The following KCNMB2 variants were observed in gnomAD, a reference collection of about 807,000 sequenced individuals.
The protein encoded by KCNMB2 is calcium-activated potassium channel subunit beta-2.
In KCNMB2, 9 loss-of-function variants were observed where a neutral mutation model predicts 24.5. The ratio of observed to expected loss-of-function variants is 0.37; its 90% confidence interval spans 0.22 to 0.64. KCNMB2 has a LOEUF of 0.64. KCNMB2 is among the 30% of genes least tolerant of loss of function. KCNMB2 has a pLI of 0.63. For missense variants in KCNMB2, 226 were observed against 284.3 expected (o/e 0.79, Z 1.47); for synonymous variants, 109 against 104.4 (o/e 1.04, Z -0.27).
intron 1 of KCNMB2, among the ~76,000 whole-genome samples, chr3:178,550,457 C>CAAAAAAAA (rs71671909): frequency 2.2e-5 from 1 of 46,018 alleles, no homozygotes; most frequent in African/African-American, 8.0e-5. Flanking sequence ...GACTCCGTCT[C>CAAAAAAAA]AAAAAAAAAA....
intron 1 of KCNMB2, among the ~76,000 whole-genome samples, chr3:178,678,722 T>C (rs969448760): frequency 2.0e-5 from 3 of 152,336 alleles, no homozygotes; most frequent in Non-Finnish European, 4.4e-5. Context: ...ATTTTCTGTA[T>C]TCAATGGGCA....
chr3:178,594,384 G>A (rs1042571711), intron 1 of KCNMB2, among the ~76,000 whole-genome samples: 1 of 152,124 alleles, frequency 6.6e-6, no homozygotes, highest in African/African-American at 2.4e-5. Context: ...TGTGGAAGCA[G>A]TGAAGATGGT....
chr3:178,632,489 A>G (rs1577062022), intron 1 of KCNMB2, among the ~76,000 whole-genome samples: 1 of 152,180 alleles, frequency 6.6e-6, no homozygotes, highest in African/African-American at 2.4e-5. Context: ...AGCAAGGAGA[A>G]GTGCTGAGAA....
chr3:178,746,720 A>C lies in KCNMB2; in HGVS notation c.-67-60623A>C, dbSNP rs187527909. Among the ~76,000 whole-genome samples, 792 of 152,228 alleles carry C rather than the reference A, an allele frequency of 5.2e-3. 7 individuals carry two copies. Among genetic ancestry groups the C allele is most frequent in the South Asian group, 0.031 (150 of 4,816 alleles). On this transcript the variant is annotated intron_variant, in intron 1 of 4. Coordinates refer to ENST00000452583, the MANE Select transcript of KCNMB2 (RefSeq NM_181361.3). ...AAACTTCTTCCACCAGATAACCTAAATCATCTCTCTCAAGTTCAAAGTTCC... is the reference window on the plus strand; with the variant it reads ...AAACTTCTTCCACCAGATAACCTAACTCATCTCTCTCAAGTTCAAAGTTCC...
intron 1 of KCNMB2, among the ~76,000 whole-genome samples, chr3:178,585,223 G>C (rs1252651620): frequency 6.6e-6 from 1 of 152,218 alleles, no homozygotes. Flanking sequence ...AACTTGTTAA[G>C]AACAGCATCA....
At chr3:178,755,683 T>A (rs1724006692) in intron 1 of KCNMB2, among the ~76,000 whole-genome samples, 3 of 152,160 alleles carry the variant, frequency 2.0e-5, no homozygotes. Context: ...ATTCTCTGGG[T>A]TATTATTCCT....
intron 1 of KCNMB2, among the ~76,000 whole-genome samples, chr3:178,541,677 G>A (rs929472745): frequency 6.6e-6 from 1 of 152,106 alleles, no homozygotes; most frequent in African/African-American, 2.4e-5. Context: ...ATGTGAAAAG[G>A]ATGCAGCATC....
At chr3:178,837,763 T>C (rs1219457922) in intron 4 of KCNMB2, among the ~76,000 whole-genome samples, 1 of 152,014 alleles carries the variant, frequency 6.6e-6, no homozygotes, top group South Asian at 2.1e-4. Context: ...CTTTCAACTT[T>C]AATTACCAGC....
rs571245073 is a variant in KCNMB2 at position 178,740,956 on chromosome 3, G to A, written c.-67-66387G>A. ...ATACAAAATCATCAATTCTTCACAAGTGACAAATTAAAAAAAGCTTAAAAG... is the reference window on the plus strand; with the variant it reads ...ATACAAAATCATCAATTCTTCACAAATGACAAATTAAAAAAAGCTTAAAAG... On this transcript the variant is annotated intron_variant, in intron 1 of 4. Coordinates refer to ENST00000452583, the MANE Select transcript of KCNMB2 (RefSeq NM_181361.3). Among the ~76,000 whole-genome samples the A allele has an allele frequency of 3.9e-5, 6 of 152,210 alleles. No individual in the cohort carries two copies. The South Asian group carries it at 6.2e-4, about 16-fold the overall frequency.
chr3:178,759,072 TATATATCTCCAAGAGGG>T (rs1156585446), intron 1 of KCNMB2, among the ~76,000 whole-genome samples: 2 of 25,452 alleles, frequency 7.9e-5, no homozygotes, highest in Non-Finnish European at 6.0e-5. Flanking sequence ...TATATATATA[TATATATCTCCAAGAGGG>T]ATATATATAT....
chr3:178,795,155 A>G (rs1458547518), intron 1 of KCNMB2: 1 of 151,948 alleles, frequency 6.6e-6, no homozygotes, highest in African/African-American at 2.4e-5. Context: ...CCTTCCAGAG[A>G]AATGTACTGA....
At chr3:178,609,405 T>G (rs1175414512) in intron 1 of KCNMB2, among the ~76,000 whole-genome samples, 7 of 138,402 alleles carry the variant, frequency 5.1e-5, no homozygotes, top group East Asian at 2.0e-4. Flanking sequence ...GTCTGAGGTG[T>G]TTTTTTTTCC....
intron 1 of KCNMB2, among the ~76,000 whole-genome samples, chr3:178,576,391 G>A (rs967289401): frequency 6.6e-6 from 1 of 152,122 alleles, no homozygotes; most frequent in African/African-American, 2.4e-5. Context: ...CAGGGACCGG[G>A]GTTTCAAGCA....
At chr3:178,672,353 G>C (rs1451794437) in intron 1 of KCNMB2, among the ~76,000 whole-genome samples, 1 of 152,090 alleles carries the variant, frequency 6.6e-6, no homozygotes, top group East Asian at 1.9e-4. Flanking sequence ...GAAGTATTTA[G>C]CTAATAAGAG....
chr3:178,818,478 C>T (rs1430352914), intron 2 of KCNMB2, among the ~76,000 whole-genome samples: 1 of 152,122 alleles, frequency 6.6e-6, no homozygotes, highest in Non-Finnish European at 1.5e-5. Context: ...CCTGTGTCCA[C>T]GTGTTCTCAT....
chr3:178,586,523 C>CTTTTTTTTTCT (rs1717434169), intron 1 of KCNMB2, among the ~76,000 whole-genome samples: 1 of 61,828 alleles, frequency 1.6e-5, no homozygotes, highest in Non-Finnish European at 3.7e-5. Flanking sequence ...ATTTTCTTTT[C>CTTTTTTTTTCT]TTTTTTTTTT....
intron 1 of KCNMB2, among the ~76,000 whole-genome samples, chr3:178,652,491 C>T (rs1720161144): frequency 6.6e-6 from 1 of 151,658 alleles, no homozygotes; most frequent in Non-Finnish European, 1.5e-5. Flanking sequence ...ATTTTTTTCT[C>T]CAGTGATTTG....
intron 2 of KCNMB2, among the ~76,000 whole-genome samples, chr3:178,812,821 A>G (rs1263149081): frequency 6.6e-6 from 1 of 152,162 alleles, no homozygotes; most frequent in Admixed American, 6.5e-5. Context: ...TCAGACAAAC[A>G]CCTCACAACA....
intron 1 of KCNMB2, among the ~76,000 whole-genome samples, chr3:178,733,941 G>A (rs1023384772): frequency 1.3e-5 from 2 of 152,188 alleles, no homozygotes; most frequent in Non-Finnish European, 2.9e-5. Context: ...GAGGTGAAAA[G>A]TGATTGAATT....
Sources: gnomAD v4.1 joint callset for allele counts (sites outside exome capture counted in the v4.1 genomes callset) on GRCh38, gnomAD v4.1.1 for gene constraint, MANE v1.5 for transcripts, NCBI Gene and HGNC (gene_info 2026-07-23, HGNC 2026-07-21) for gene names.